KIRREL3: variants seen among roughly 807,000 people sequenced by gnomAD.
KIRREL3 encodes kin of IRRE-like protein 3.
Under a neutral mutation model 89.7 loss-of-function variants are expected in KIRREL3, and 36 were observed. The ratio of observed to expected loss-of-function variants is 0.40; its 90% CI spans 0.31 to 0.53. KIRREL3 has a LOEUF of 0.53. Among genes scored for constraint, KIRREL3 ranks in the 20% least tolerant of loss-of-function variants. The probability of loss-of-function intolerance (pLI) is 0.49; values close to 1 mark genes in which losing one functional copy is unlikely to be tolerated. For synonymous variants in KIRREL3, 445 were observed against 441.4 expected (o/e 1.01, Z -0.10); for missense variants, 864 against 1,056.6 (o/e 0.82, Z 2.53).
chr11:126,911,371 G>A (rs1232443468), intron 1 of KIRREL3, among the ~76,000 whole-genome samples: 1 of 152,196 alleles, frequency 6.6e-6, no homozygotes, highest in African/African-American at 2.4e-5. Context: ...CAGACAGAGG[G>A]AAGCCGCCAG....
intron 11 of KIRREL3, among the ~76,000 whole-genome samples, chr11:126,437,621 C>G (rs1381920441): frequency 1.3e-5 from 2 of 152,152 alleles, no homozygotes; most frequent in Non-Finnish European, 1.5e-5. Flanking sequence ...AGTACATGCA[C>G]ATCACACTTC....
Position 126,983,440 on chromosome 11 carries a change from G to C in KIRREL3, c.55+17015C>G, listed in dbSNP as rs1949769085. ...GTCCTAATCCCTTTACAGGACAAAA[G>C]GGATTTTGCAGATGTAATTAAGTTA... is the stretch of plus-strand genomic sequence containing the variant. On this transcript the variant is annotated intron_variant, in intron 1 of 16. Coordinates refer to ENST00000525144, the MANE Select transcript of KIRREL3 (RefSeq NM_032531.4). This position sits in a 1 kb window ranked among gnomAD's most constrained non-coding sequence, Gnocchi z 4.9. 6.6e-6 allele frequency among the ~76,000 whole-genome samples: 1 copy of C among 152,194 alleles called. No homozygotes were observed. Among genetic ancestry groups the C allele is most frequent in the Non-Finnish European group, 1.5e-5 (1 of 68,038 alleles).
intron 2 of KIRREL3, among the ~76,000 whole-genome samples, chr11:126,552,495 T>G (rs2134540463): frequency 6.6e-6 from 1 of 151,966 alleles, no homozygotes; most frequent in East Asian, 1.9e-4. Context: ...TTTCCAGCAC[T>G]TGTAGTTGCA....
rs1031272811 is a variant in KIRREL3, at chr11:126,791,836, G to T, written c.55+208619C>A. The stretch of plus-strand genomic sequence containing the variant: ...GGACAGTTGTGGGGCTGTAGGGGCG[G>T]TTTCTCAGAGTGTGAGGTATGGGAA... On this transcript the variant is annotated intron_variant, in intron 1 of 16. Transcript: ENST00000525144. The surrounding 1 kb of genome is among the most constrained non-coding windows in gnomAD (Gnocchi z 4.8). Among the ~76,000 whole-genome samples the T allele has an allele frequency of 1.3e-5, 2 of 152,200 alleles. No individual in the cohort carries two copies. The highest frequency in any genetic ancestry group is 2.9e-5 in the Non-Finnish European group (2 of 68,046).
chr11:126,825,723 G>T (rs971132175), intron 1 of KIRREL3, among the ~76,000 whole-genome samples: 1 of 152,094 alleles, frequency 6.6e-6, no homozygotes, highest in African/African-American at 2.4e-5. Context: ...ATTCCCTTGG[G>T]TCAAGCACTT....
chr11:126,861,613 G>A (rs1349599187), intron 1 of KIRREL3, among the ~76,000 whole-genome samples: 1 of 152,156 alleles, frequency 6.6e-6, no homozygotes, highest in Non-Finnish European at 1.5e-5. Context: ...AAAGTCTCTG[G>A]CCCTACTTAT....
Position 126,587,693 on chromosome 11 carries a change from C to G in KIRREL3, c.56-24781G>C, listed in dbSNP as rs1430130221. ...AGATATTCATTTAACATATTTCTGTCTCTGAATGGCTTTTACTTTTCACTA... is the reference window on the plus strand; with the variant it reads ...AGATATTCATTTAACATATTTCTGTGTCTGAATGGCTTTTACTTTTCACTA... On this transcript the variant is annotated intron_variant, in intron 1 of 16. Coordinates refer to ENST00000525144, the MANE Select transcript of KIRREL3 (RefSeq NM_032531.4). This position sits in a 1 kb window ranked among gnomAD's most constrained non-coding sequence, Gnocchi z 5.2. 6.6e-6 allele frequency among the ~76,000 whole-genome samples: 1 copy of G among 152,200 alleles called. No homozygotes were observed. Among genetic ancestry groups the G allele is most frequent in the Admixed American group, 6.5e-5 (1 of 15,284 alleles).
rs1306687330 is a variant in KIRREL3 at position 126,496,059 on chromosome 11, T to TA, written c.434-22594_434-22593insT. ...TGACCCCAGCCCCTCCTATGTCTGA[T>TA]TGCAGAGATCCAGAACCATTCAGCT... On this transcript the variant is annotated intron_variant, in intron 4 of 16. Coordinates refer to ENST00000525144, the MANE Select transcript of KIRREL3 (RefSeq NM_032531.4). This position sits in a 1 kb window ranked among gnomAD's most constrained non-coding sequence, Gnocchi z 4.9. 7.9e-4 allele frequency among the ~76,000 whole-genome samples: 121 copies of TA among 152,330 alleles called. 1 individual carries two copies. Among genetic ancestry groups the TA allele is most frequent in the African/African-American group, 2.9e-3 (119 of 41,576 alleles).
rs1157603749 is a variant in KIRREL3 at position 126,653,311 on chromosome 11, T to C, written c.56-90399A>G. On this transcript the variant is annotated intron_variant, in intron 1 of 16. Coordinates refer to ENST00000525144, the MANE Select transcript of KIRREL3 (RefSeq NM_032531.4). This position sits in a 1 kb window ranked among gnomAD's most constrained non-coding sequence, Gnocchi z 5.4. ...CTTGCTCAGTGAAGGATGGGCAGAC[T>C]TGGGGTGGCAGAAGAGGCACCAGCT... Among the ~76,000 whole-genome samples, 1 of 152,046 alleles carries C rather than the reference T, an allele frequency of 6.6e-6. No homozygotes were observed.
At chr11:126,532,956 T>C (rs929133412) in intron 2 of KIRREL3, among the ~76,000 whole-genome samples, 16 of 152,018 alleles carry the variant, frequency 1.1e-4, no homozygotes. Flanking sequence ...ATAAAATTAG[T>C]AATTGCTAAC....
intron 1 of KIRREL3, chr11:126,992,447 A>G (rs1687601963): frequency 6.6e-6 from 1 of 152,244 alleles, no homozygotes; most frequent in South Asian, 2.1e-4. Flanking sequence ...TTCTTGCTGA[A>G]CAATCGGGGT....
intron 5 of KIRREL3, among the ~76,000 whole-genome samples, chr11:126,468,809 TC>T (rs1956801515): frequency 1.3e-5 from 2 of 152,196 alleles, no homozygotes; most frequent in South Asian, 4.1e-4. Context: ...CTAACAGACA[TC>T]CGTGATCATT....
At chr11:126,895,563 G>C (rs1946118223) in intron 1 of KIRREL3, among the ~76,000 whole-genome samples, 1 of 152,094 alleles carries the variant, frequency 6.6e-6, no homozygotes, top group Non-Finnish European at 1.5e-5. Context: ...AATGCTCTGG[G>C]ACAAGCCTTT....
intron 4 of KIRREL3, among the ~76,000 whole-genome samples, chr11:126,487,232 C>A (rs1957389217): frequency 6.6e-6 from 1 of 152,014 alleles, no homozygotes; most frequent in Non-Finnish European, 1.5e-5. Context: ...GCAGGGCAGG[C>A]AGGAGGAGGG....
intron 1 of KIRREL3, among the ~76,000 whole-genome samples, chr11:126,792,837 G>A (rs1198861546): frequency 6.6e-6 from 1 of 152,070 alleles, no homozygotes; most frequent in Non-Finnish European, 1.5e-5. Context: ...TACTGTTTAG[G>A]GATATACACG....
chr11:126,838,527 A>T (rs1275138575), intron 1 of KIRREL3, among the ~76,000 whole-genome samples: 1 of 152,218 alleles, frequency 6.6e-6, no homozygotes, highest in Non-Finnish European at 1.5e-5. Context: ...GTTAATGGGT[A>T]AGAGGGGACA....
In KIRREL3 at chr11:126,628,310, C is replaced by T. The variant is rs956778873; in HGVS notation, c.56-65398G>A. Among the ~76,000 whole-genome samples the T allele has an allele frequency of 3.9e-5, 6 of 152,252 alleles. No homozygotes were observed. Among genetic ancestry groups the T allele is most frequent in the Non-Finnish European group, 7.4e-5 (5 of 68,010 alleles). The stretch of plus-strand genomic sequence containing the variant: ...TGTGAGAAGGAAAATGAGAACATTC[C>T]GGAAGGAAGCACTCTTCTTTCTCTG... On this transcript the variant is annotated intron_variant, in intron 1 of 16. Coordinates refer to ENST00000525144, the MANE Select transcript of KIRREL3 (RefSeq NM_032531.4). The surrounding 1 kb of genome is among the most constrained non-coding windows in gnomAD (Gnocchi z 5.2).
At chr11:126,661,932 G>A (rs1047526796) in intron 1 of KIRREL3, among the ~76,000 whole-genome samples, 6 of 152,148 alleles carry the variant, frequency 3.9e-5, no homozygotes, top group Admixed American at 3.3e-4. Context: ...CCCAGCCTTC[G>A]AAACAGCATT....
chr11:126,473,519 CG>C, intron 4 of KIRREL3, 53 bp from the exon 5 acceptor site: 1 of 1,457,198 alleles, frequency 6.9e-7, no homozygotes, highest in Non-Finnish European at 9.2e-7. Flanking sequence ...TCGGGCAGGA[CG>C]GCAGGCAGGC....
Sources: gnomAD v4.1 joint callset for allele counts (sites outside exome capture counted in the v4.1 genomes callset) on GRCh38, gnomAD v4.1.1 for gene constraint, Gnocchi (gnomAD v3.1) non-coding constraint, MANE v1.5 for transcripts, NCBI Gene and HGNC (gene_info 2026-07-23, HGNC 2026-07-21) for gene names.